ACOT7: variants seen among roughly 807,000 people sequenced by gnomAD.
ACOT7 encodes the protein acyl-CoA thioesterase 7.
In ACOT7, 12 loss-of-function variants were observed where a neutral mutation model predicts 40.2. That is an observed-to-expected ratio of 0.30 (90% CI 0.19 to 0.48). The LOEUF (loss-of-function observed/expected upper bound fraction) is 0.48. Ranked by LOEUF, ACOT7 falls within the 20% of genes least tolerant of loss-of-function variation. The probability of loss-of-function intolerance (pLI) is 0.99; values close to 1 mark genes in which losing one functional copy is unlikely to be tolerated. For synonymous variants in ACOT7, 228 were observed against 219.5 expected (o/e 1.04, Z -0.34); for missense variants, 395 against 530.8 (o/e 0.74, Z 2.51).
At chr1:6,367,643 G>A (rs1305001540) in intron 1 of ACOT7, among the ~76,000 whole-genome samples, 3 of 152,238 alleles carry the variant, frequency 2.0e-5, no homozygotes, top group South Asian at 2.1e-4. Flanking sequence ...ATGCTGTGGT[G>A]CCTGGAAGCT....
Position 6,339,739 on chromosome 1 carries a change from G to GTTTTTTTT in ACOT7, c.262-158_262-151dup, listed in dbSNP as rs57275707. The GTTTTTTTT allele has an allele frequency of 1.3e-5, 7 of 526,450 alleles. 2 individuals are homozygous for GTTTTTTTT. The highest frequency in any genetic ancestry group is 4.6e-5 in the African/African-American group (2 of 43,348). 32.6% of individuals were successfully genotyped at this position (526,450 alleles called of 1,614,324 possible). ...TGTATCACCATTTATTGGCACCGCG[G>GTTTTTTTT]TTTTTTTTTTTTTTTTTTGAGATGG... On this transcript the variant is annotated intron_variant, in intron 2 of 8. Transcript: ENST00000361521.
chr1:6,284,218 G>A (rs929326527), intron 7 of ACOT7, among the ~76,000 whole-genome samples: 2 of 152,160 alleles, frequency 1.3e-5, no homozygotes, highest in Non-Finnish European at 2.9e-5. Flanking sequence ...GACTGTCCCA[G>A]GGGACCTCGG....
At chr1:6,287,464 G>A (rs1327317803) in intron 7 of ACOT7, among the ~76,000 whole-genome samples, 1 of 152,282 alleles carries the variant, frequency 6.6e-6, no homozygotes, top group Non-Finnish European at 1.5e-5. Flanking sequence ...ACTGGGCTGT[G>A]TGAGAAGTAA....
intron 2 of ACOT7, 148 bp from the exon 3 acceptor site, chr1:6,339,737 C>CA: frequency 3.2e-6 from 2 of 629,234 alleles, no homozygotes; most frequent in Non-Finnish European, 2.5e-6. Context: ...ATTGGCACCG[C>CA]GGTTTTTTTT....
intron 1 of ACOT7, among the ~76,000 whole-genome samples, chr1:6,361,002 A>G (rs1480654970): frequency 6.6e-6 from 1 of 152,266 alleles, no homozygotes; most frequent in Non-Finnish European, 1.5e-5. Flanking sequence ...TAAATTAAAA[A>G]TCATTTTAAT....
chr1:6,370,066 A>G (rs571748684), intron 1 of ACOT7, among the ~76,000 whole-genome samples: 3 of 152,170 alleles, frequency 2.0e-5, no homozygotes, highest in Non-Finnish European at 4.4e-5. Flanking sequence ...TCCCTCTGGA[A>G]GGGCATGGTG....
chr1:6,381,963 T>A (rs1642344086), intron 1 of ACOT7, among the ~76,000 whole-genome samples: 1 of 146,486 alleles, frequency 6.8e-6, no homozygotes, highest in African/African-American at 2.5e-5. Flanking sequence ...TGAAACCCCA[T>A]CTCTACTAAA....
chr1:6,339,678 G>A, intron 2 of ACOT7, 89 bp from the exon 3 acceptor site: 2 of 1,494,984 alleles, frequency 1.3e-6, no homozygotes, highest in Non-Finnish European at 1.8e-6. Context: ...AACGGTCTTT[G>A]CCTTTGCTTT....
chr1:6,276,563 C>CA (rs1639196641), intron 8 of ACOT7, among the ~76,000 whole-genome samples: 2 of 152,068 alleles, frequency 1.3e-5, no homozygotes, highest in Non-Finnish European at 2.9e-5. Context: ...TAAAAATAGA[C>CA]AGGAGGCTGA....
At chr1:6,366,098 G>T (rs1370897392) in intron 1 of ACOT7, among the ~76,000 whole-genome samples, 2 of 151,864 alleles carry the variant, frequency 1.3e-5, no homozygotes, top group Admixed American at 6.6e-5. Flanking sequence ...GTCTCACTAT[G>T]TTGGCCATGC....
chr1:6,291,608 C>G (rs532863208), intron 7 of ACOT7, among the ~76,000 whole-genome samples: 1 of 152,354 alleles, frequency 6.6e-6, no homozygotes, highest in Admixed American at 6.5e-5. Flanking sequence ...TCTGTGCCTG[C>G]CAGTAGCTCC....
At chr1:6,349,125 G>T (rs1303649540) in intron 2 of ACOT7, among the ~76,000 whole-genome samples, 1 of 152,208 alleles carries the variant, frequency 6.6e-6, no homozygotes. Context: ...GCTGGGGATG[G>T]CTGAATGTCC....
At chr1:6,314,496 G>C (rs1488533330) in intron 6 of ACOT7, among the ~76,000 whole-genome samples, 1 of 151,954 alleles carries the variant, frequency 6.6e-6, no homozygotes, top group Non-Finnish European at 1.5e-5. Context: ...GCCTTGAACA[G>C]GGCTACCGGC....
At chr1:6,318,448 A>C (rs1640555190) in intron 6 of ACOT7, 44 bp downstream of exon 6, 1 of 1,589,936 alleles carries the variant, frequency 6.3e-7, no homozygotes, top group African/African-American at 1.3e-5. Context: ...AGCAACAATG[A>C]GCCAAGGGAC....
In ACOT7 at chr1:6,301,975, T is replaced by C. The variant is rs7547093; in HGVS notation, c.713-6995A>G. Reference sequence around the variant, plus strand: ...CTGCTATGAAACAACAACTTTATACTAACGATGGAAAAGGCCAAGACTGGT... The same window carrying C: ...CTGCTATGAAACAACAACTTTATACCAACGATGGAAAAGGCCAAGACTGGT... On this transcript the variant is annotated intron_variant, in intron 6 of 8. Coordinates refer to ENST00000361521, the MANE Select transcript of ACOT7 (RefSeq NM_007274.4). The surrounding 1 kb of genome is among the most constrained non-coding windows in gnomAD (Gnocchi z 4.1). 0.35 allele frequency among the ~76,000 whole-genome samples: 53,953 copies of C among 152,072 alleles called. 14,665 individuals carry two copies. Among genetic ancestry groups the C allele is most frequent in the African/African-American group, 0.77 (31,988 of 41,488 alleles).
intron 5 of ACOT7, among the ~76,000 whole-genome samples, chr1:6,325,271 G>A (rs1447037429): frequency 1.3e-5 from 2 of 151,990 alleles, no homozygotes; most frequent in Non-Finnish European, 2.9e-5. Flanking sequence ...GGTGGCGGGC[G>A]CCTGTAGTCC....
chr1:6,364,843 T>A (rs796127464), intron 1 of ACOT7, among the ~76,000 whole-genome samples: 20 of 81,734 alleles, frequency 2.4e-4, no homozygotes, highest in African/African-American at 1.2e-3. Context: ...CGAGACTCCA[T>A]CTCAAAAAAA....
Position 6,282,740 on chromosome 1 carries a change from C to T in ACOT7, c.830-1454G>A, listed in dbSNP as rs966456184. ...CATACTTACAGGGAGCACTTCGTGC[C>T]AGTGCTGGGAGAGGAGGAAGGAGCT... On this transcript the variant is annotated intron_variant, in intron 7 of 8. Coordinates refer to ENST00000361521, the MANE Select transcript of ACOT7 (RefSeq NM_007274.4). This position sits in a 1 kb window ranked among gnomAD's most constrained non-coding sequence, Gnocchi z 4.5. The T allele has an allele frequency of 1.5e-6, 2 of 1,304,212 alleles. No homozygotes were observed. The highest frequency in any genetic ancestry group is 2.0e-6 in the Non-Finnish European group (2 of 988,922). The allele number at this position is 1,304,212 out of a possible 1,614,324, so 80.8% of individuals were successfully genotyped here. A position where few individuals can be genotyped will look rare whatever the true frequency, so the allele number is the denominator to read the frequency against.
intron 1 of ACOT7, among the ~76,000 whole-genome samples, chr1:6,371,615 A>C (rs562355347): frequency 2.0e-5 from 3 of 152,094 alleles, no homozygotes; most frequent in East Asian, 3.9e-4. Flanking sequence ...CACCCGCCTC[A>C]GCCTCCCAAA....
Sources: gnomAD v4.1 joint callset for allele counts (sites outside exome capture counted in the v4.1 genomes callset) on GRCh38, gnomAD v4.1.1 for gene constraint, Gnocchi (gnomAD v3.1) non-coding constraint, MANE v1.5 for transcripts, NCBI Gene and HGNC (gene_info 2026-07-23, HGNC 2026-07-21) for gene names.